The following CFAP47 variants were observed in gnomAD, a reference collection of about 807,000 sequenced individuals.
CFAP47 encodes cilia and flagella associated protein 47.
A neutral mutation model predicts 148.1 loss-of-function variants in CFAP47; 29 were observed. The observed-to-expected ratio is 0.20, with a 90% CI of 0.15 to 0.27. CFAP47 has a LOEUF of 0.27. Among genes scored for constraint, CFAP47 ranks in the 10% least tolerant of loss-of-function variants. The probability of loss-of-function intolerance (pLI) is 1.00; values close to 1 mark genes in which losing one functional copy is unlikely to be tolerated. For synonymous variants in CFAP47, 664 were observed against 577.3 expected (o/e 1.15, Z -2.15); for missense variants, 1,872 against 1,697.5 (o/e 1.10, Z -1.81).
chrX:36,034,982 A>C (rs5973562), intron 23 of CFAP47, among the ~76,000 whole-genome samples: 11,481 of 108,754 alleles, frequency 0.11, 1,070 homozygotes, highest in African/African-American at 0.3. Context: ...CTCTCTCTCT[A>C]TATATATATA....
chrX:36,036,355 A>C (rs1442000020), intron 24 of CFAP47, among the ~76,000 whole-genome samples: 1 of 96,041 alleles, frequency 1.0e-5, no homozygotes, highest in Non-Finnish European at 1.9e-5. Context: ...CTCTAGGTTC[A>C]ATCATTTTTT....
intron 42 of CFAP47, among the ~76,000 whole-genome samples, chrX:36,196,940 T>C (rs1939926350): frequency 9.0e-6 from 1 of 111,689 alleles, no homozygotes; most frequent in South Asian, 3.7e-4. Context: ...TTAAAACAGC[T>C]TTTTATTTAT....
intron 37 of CFAP47, among the ~76,000 whole-genome samples, chrX:36,153,803 G>C (rs1302110168): frequency 3.6e-5 from 4 of 111,959 alleles, no homozygotes; most frequent in Non-Finnish European, 7.5e-5. Context: ...AGCAGCACCT[G>C]GGGCAGCCAA....
intron 62 of CFAP47, among the ~76,000 whole-genome samples, chrX:36,369,657 T>TA (rs1322662539): frequency 8.1e-5 from 9 of 111,688 alleles, no homozygotes; most frequent in Non-Finnish European, 1.5e-4. Context: ...TGTTGACTGA[T>TA]ACTGCCTCCA....
intron 22 of CFAP47, among the ~76,000 whole-genome samples, chrX:36,019,192 A>C (rs1218673404): frequency 2.7e-5 from 3 of 111,655 alleles, no homozygotes; most frequent in Non-Finnish European, 5.6e-5. Flanking sequence ...TGAATGTCTG[A>C]GCCTCTTAGA....
chrX:36,118,918 ATT>A (rs1938691010), intron 33 of CFAP47, among the ~76,000 whole-genome samples: 1 of 111,635 alleles, frequency 9.0e-6, no homozygotes, highest in Non-Finnish European at 1.9e-5. Context: ...GTACTTGTTG[ATT>A]TTGTAGTCTG....
At chrX:36,063,784 T>C (rs972578972) in intron 26 of CFAP47, among the ~76,000 whole-genome samples, 2 of 111,876 alleles carry the variant, frequency 1.8e-5, no homozygotes, top group African/African-American at 3.2e-5. Flanking sequence ...AAACAAGTAA[T>C]GGGGTAAGAG....
At chrX:36,379,170 G>A (rs1311684661) in intron 62 of CFAP47, among the ~76,000 whole-genome samples, 180 bp from the exon 63 acceptor site, 1 of 112,149 alleles carries the variant, frequency 8.9e-6, no homozygotes, top group Non-Finnish European at 1.9e-5. Context: ...TTGTCACCCT[G>A]AGAAGAATGA....
At chrX:36,297,670 A>G (rs782805180) in intron 51 of CFAP47, among the ~76,000 whole-genome samples, 13 of 111,659 alleles carry the variant, frequency 1.2e-4, no homozygotes, top group African/African-American at 4.2e-4. Context: ...GGGCTAAGAC[A>G]ATGTACCTTG....
At chrX:36,252,819 G>A (rs1555998427) in intron 49 of CFAP47, among the ~76,000 whole-genome samples, 1 of 111,628 alleles carries the variant, frequency 9.0e-6, no homozygotes, top group Non-Finnish European at 1.9e-5. Context: ...AATTAGTTTT[G>A]ATAAAACATA....
chrX:35,983,753 A>G (rs1250572222), intron 15 of CFAP47, among the ~76,000 whole-genome samples: 4 of 111,704 alleles, frequency 3.6e-5, no homozygotes, highest in Non-Finnish European at 7.5e-5. Flanking sequence ...TATTTATGTG[A>G]TGGATCACAT....
chrX:36,354,354 A>G (rs372118219), intron 60 of CFAP47, among the ~76,000 whole-genome samples: 1 of 107,680 alleles, frequency 9.3e-6, no homozygotes, highest in African/African-American at 3.4e-5. Flanking sequence ...GGTGGCACAC[A>G]CCTGTAATCT....
chrX:36,112,557 A>G (rs981553440), intron 33 of CFAP47, among the ~76,000 whole-genome samples: 21 of 111,500 alleles, frequency 1.9e-4, no homozygotes, highest in African/African-American at 6.8e-4. Flanking sequence ...TCATGTGGCA[A>G]TTAGAAGAAT....
At chrX:36,186,401 G>T (rs2146872429) in intron 40 of CFAP47, among the ~76,000 whole-genome samples, 1 of 111,551 alleles carries the variant, frequency 9.0e-6, no homozygotes, top group African/African-American at 3.3e-5. Flanking sequence ...ATTTTTACTT[G>T]CCTCTAGATA....
chrX:36,197,856 C>T (rs12832417), intron 42 of CFAP47, among the ~76,000 whole-genome samples: 9,324 of 110,952 alleles, frequency 0.084, 440 homozygotes, highest in Non-Finnish European at 0.13. Flanking sequence ...CATTATCATA[C>T]AGCAATAGAC....
At chrX:36,298,109 T>C (rs6628529) in intron 51 of CFAP47, among the ~76,000 whole-genome samples, 15,789 of 100,477 alleles carry the variant, frequency 0.16, 1,298 homozygotes, top group South Asian at 0.24. Flanking sequence ...CACATGCACA[T>C]GTATGTTTAT....
At chrX:36,117,888 G>T (rs1178743966) in intron 33 of CFAP47, among the ~76,000 whole-genome samples, 1 of 111,890 alleles carries the variant, frequency 8.9e-6, no homozygotes, top group Non-Finnish European at 1.9e-5. Flanking sequence ...TTAGATTTAA[G>T]TCTTTAATCC....
At chrX:36,169,219 C>T (rs1939534633) in intron 39 of CFAP47, among the ~76,000 whole-genome samples, 1 of 111,280 alleles carries the variant, frequency 9.0e-6, no homozygotes, top group South Asian at 3.7e-4. Flanking sequence ...TTAGCCTTTC[C>T]ACTGTTTGAT....
intron 16 of CFAP47, among the ~76,000 whole-genome samples, chrX:35,990,732 T>C (rs1463944445): frequency 9.0e-6 from 1 of 111,425 alleles, no homozygotes; most frequent in Non-Finnish European, 1.9e-5. Context: ...TTCTTAGTCA[T>C]GGGTCTACTT....
Sources: gnomAD v4.1 joint callset for allele counts (sites outside exome capture counted in the v4.1 genomes callset) on GRCh38, gnomAD v4.1.1 for gene constraint, MANE v1.5 for transcripts, NCBI Gene and HGNC (gene_info 2026-07-23, HGNC 2026-07-21) for gene names.